Variants in CFAP299 observed in about 807,000 individuals in gnomAD.
The protein encoded by CFAP299 is cilia- and flagella-associated protein 299.
Under a neutral mutation model 27.0 loss-of-function variants are expected in CFAP299, and 21 were observed. The ratio of observed to expected loss-of-function variants is 0.78; its 90% CI spans 0.55 to 1.12. The LOEUF (loss-of-function observed/expected upper bound fraction) is 1.12. CFAP299 is among the 50% of genes most tolerant of loss of function. The probability of loss-of-function intolerance (pLI) is 0.00; values close to 1 mark genes in which losing one functional copy is unlikely to be tolerated. For synonymous variants in CFAP299, 104 were observed against 98.1 expected (o/e 1.06, Z -0.36); for missense variants, 310 against 276.6 (o/e 1.12, Z -0.86).
intron 3 of CFAP299, among the ~76,000 whole-genome samples, chr4:80,862,385 T>A (rs952564735): frequency 1.3e-5 from 2 of 151,486 alleles, no homozygotes; most frequent in Non-Finnish European, 2.9e-5. Flanking sequence ...ATATAGTAAA[T>A]AAATAAATAA....
chr4:80,739,969 A>G (rs1191473083), intron 3 of CFAP299, among the ~76,000 whole-genome samples: 1 of 151,988 alleles, frequency 6.6e-6, no homozygotes, highest in Admixed American at 6.6e-5. Flanking sequence ...TCATCATGTC[A>G]TTTGCATTTT....
chr4:80,584,530 A>G (rs1268762754), intron 3 of CFAP299, among the ~76,000 whole-genome samples: 3 of 152,042 alleles, frequency 2.0e-5, no homozygotes, highest in Non-Finnish European at 4.4e-5. Flanking sequence ...AGGTATTTAC[A>G]GAGCAGATCA....
At chr4:80,707,613 A>G (rs1262427364) in intron 3 of CFAP299, among the ~76,000 whole-genome samples, 1 of 152,044 alleles carries the variant, frequency 6.6e-6, no homozygotes, top group East Asian at 1.9e-4. Context: ...CATTATAGTC[A>G]TTGTTTATCT....
At chr4:80,845,266 C>A (rs985015013) in intron 3 of CFAP299, among the ~76,000 whole-genome samples, 2 of 146,050 alleles carry the variant, frequency 1.4e-5, no homozygotes, top group Admixed American at 1.4e-4. Context: ...ACCATCTGCT[C>A]AAGTCCCACA....
chr4:80,540,553 G>T (rs1733951040), intron 2 of CFAP299, among the ~76,000 whole-genome samples: 1 of 152,110 alleles, frequency 6.6e-6, no homozygotes, highest in South Asian at 2.1e-4. Flanking sequence ...ACAGGAAAAT[G>T]ATTCTTTATA....
At chr4:80,754,535 A>G (rs1450451587) in intron 3 of CFAP299, among the ~76,000 whole-genome samples, 1 of 144,852 alleles carries the variant, frequency 6.9e-6, no homozygotes, top group Non-Finnish European at 1.5e-5. Flanking sequence ...TTCAAGGGGA[A>G]AGTGAGAGGA....
chr4:80,711,090 T>G lies in CFAP299; in HGVS notation c.333+127907T>G, dbSNP rs188007057. ...AAAGGTATAATTGCCCTGCTGACAC[T>G]ACACAGGCACACTTGTGCCCAGAAA... On this transcript the variant is annotated intron_variant, in intron 3 of 5. Transcript: ENST00000358105. Among the ~76,000 whole-genome samples the G allele has an allele frequency of 4.0e-3, 613 of 152,286 alleles. 3 individuals carry two copies. The highest frequency in any genetic ancestry group is 7.0e-3 in the Non-Finnish European group (473 of 68,030).
chr4:80,928,999 C>G (rs1326228104), intron 4 of CFAP299, among the ~76,000 whole-genome samples: 2 of 152,264 alleles, frequency 1.3e-5, no homozygotes, highest in South Asian at 2.1e-4. Context: ...AGTCTCTTCA[C>G]AGTGCACTAT....
chr4:80,445,835 A>G (rs551030274), intron 2 of CFAP299, among the ~76,000 whole-genome samples: 3 of 152,334 alleles, frequency 2.0e-5, no homozygotes, highest in South Asian at 4.1e-4. Flanking sequence ...GTTGGCATCT[A>G]TTGAGATCGT....
chr4:80,386,755 C>T, intron 2 of CFAP299: 1 of 1,462,536 alleles, frequency 6.8e-7, no homozygotes, highest in South Asian at 1.1e-5. Context: ...GGGCCTTCAG[C>T]TTGTCCGGCC....
chr4:80,444,958 C>G (rs183873798), intron 2 of CFAP299, among the ~76,000 whole-genome samples: 1 of 152,190 alleles, frequency 6.6e-6, no homozygotes, highest in East Asian at 1.9e-4. Context: ...ACATGCAAAT[C>G]GAAACCACAA....
chr4:80,365,322 G>A (rs1046896527), intron 2 of CFAP299, among the ~76,000 whole-genome samples: 18 of 152,104 alleles, frequency 1.2e-4, no homozygotes, highest in Non-Finnish European at 2.9e-5. Context: ...TTGTGGTTTT[G>A]ATTTGCCTTT....
intron 2 of CFAP299, among the ~76,000 whole-genome samples, chr4:80,366,706 A>G (rs1184911924): frequency 1.3e-5 from 2 of 152,222 alleles, no homozygotes; most frequent in African/African-American, 4.8e-5. Context: ...AATTCTACCA[A>G]ACACATATTC....
At chr4:80,751,583 A>G (rs963810058) in intron 3 of CFAP299, among the ~76,000 whole-genome samples, 2 of 152,178 alleles carry the variant, frequency 1.3e-5, no homozygotes, top group African/African-American at 4.8e-5. Context: ...GGAATGGATC[A>G]AGATCCCACT....
chr4:80,346,082 G>T (rs1453720913), intron 1 of CFAP299, among the ~76,000 whole-genome samples: 1 of 152,210 alleles, frequency 6.6e-6, no homozygotes. Flanking sequence ...CTTTTGAGAA[G>T]TGTCTGCTCA....
At chr4:80,963,116 A>G (rs28756706) in intron 5 of CFAP299, among the ~76,000 whole-genome samples, 9 of 152,138 alleles carry the variant, frequency 5.9e-5, no homozygotes, top group African/African-American at 2.2e-4. Flanking sequence ...ATCTAAATCA[A>G]TCCCAGACTT....
chr4:80,727,184 C>T (rs1232442693), intron 3 of CFAP299, among the ~76,000 whole-genome samples: 2 of 152,028 alleles, frequency 1.3e-5, no homozygotes, highest in South Asian at 2.1e-4. Context: ...TTTCAGCTCA[C>T]TAGTAAAATA....
intron 3 of CFAP299, among the ~76,000 whole-genome samples, chr4:80,742,658 A>G (rs1724343583): frequency 6.6e-6 from 1 of 152,142 alleles, no homozygotes; most frequent in Non-Finnish European, 1.5e-5. Context: ...TAAGTGGAGA[A>G]CTCTTTATGA....
chr4:80,943,381 A>AATG (rs1737294835), intron 4 of CFAP299, among the ~76,000 whole-genome samples: 1 of 152,208 alleles, frequency 6.6e-6, no homozygotes, highest in Non-Finnish European at 1.5e-5. Flanking sequence ...AAGTGGTAAT[A>AATG]ATGATGCCTC....
Sources: allele counts gnomAD v4.1 joint callset (sites outside exome capture counted in the v4.1 genomes callset), GRCh38; gene constraint gnomAD v4.1.1; transcripts MANE v1.5; gene names NCBI Gene and HGNC (gene_info 2026-07-23, HGNC 2026-07-21).